Variants in PPP2R3A observed in about 807,000 individuals in gnomAD.
The protein encoded by PPP2R3A is protein phosphatase 2 regulatory subunit B''alpha.
A neutral mutation model predicts 106.9 loss-of-function variants in PPP2R3A; 80 were observed. The observed-to-expected ratio is 0.75, with a 90% CI of 0.62 to 0.90. The LOEUF (loss-of-function observed/expected upper bound fraction) is 0.90, where lower values mean the gene tolerates loss of function less well. Ranked by LOEUF, PPP2R3A falls within the 40% of genes least tolerant of loss-of-function variation. The pLI is 0.00. For synonymous variants in PPP2R3A, 483 were observed against 468.3 expected, an observed-to-expected ratio of 1.03 and a Z score of -0.41; for missense variants, 1,386 against 1,350.4, an observed-to-expected ratio of 1.03 and a Z score of -0.41.
chr3:136,062,325 G>A (rs1936105242), intron 5 of PPP2R3A, among the ~76,000 whole-genome samples: 1 of 152,172 alleles, frequency 6.6e-6, no homozygotes, highest in Non-Finnish European at 1.5e-5. Flanking sequence ...TAACTGAAGA[G>A]CAGCCAGTTC....
chr3:136,071,984 T>C (rs960853812), intron 6 of PPP2R3A, among the ~76,000 whole-genome samples: 5 of 152,136 alleles, frequency 3.3e-5, no homozygotes, highest in Non-Finnish European at 5.9e-5. Context: ...TCACTCTCTG[T>C]TTTTGTAACC....
At position 136,055,371 on chromosome 3, in the gene PPP2R3A, C is replaced by G. The variant is rs554348286; in HGVS notation, c.2469+6010C>G. ...AAGAGTTTAGTTGCTACCTCAGGTC[C>G]ACAGGTAGGACTTCCTCTGACCCTC... On this transcript the variant is annotated intron_variant, in intron 5 of 13. Transcript: ENST00000264977. 15 of 961,318 alleles carry G rather than the reference C, an allele frequency of 1.6e-5. No individual in the cohort carries two copies. The East Asian group carries it at 3.6e-4, about 23-fold the overall frequency. 59.5% of individuals were successfully genotyped at this position (961,318 alleles called of 1,614,324 possible). A position where few individuals can be genotyped will look rare whatever the true frequency, so the allele number is the denominator to read the frequency against.
At position 136,146,381 on chromosome 3, in the gene PPP2R3A, T is replaced by C. The variant is rs1311354762; in HGVS notation, c.*1215T>C. 4 of 150,670 alleles carry C rather than the reference T, an allele frequency of 2.7e-5. No homozygotes were observed. The highest frequency in any genetic ancestry group is 4.4e-5 in the Non-Finnish European group (3 of 67,520). 9.3% of individuals were successfully genotyped at this position (150,670 alleles called of 1,614,324 possible). On this transcript the variant is annotated 3_prime_UTR_variant, in exon 14 of 14. Transcript: ENST00000264977. ...GTCAGTCATCAACTTTTCCCCTAGA[T>C]TTTTTTTTTAACTAGTTCTGAAAGT...
At chr3:136,116,639 C>G (rs1049054552) in intron 13 of PPP2R3A, among the ~76,000 whole-genome samples, 1 of 152,130 alleles carries the variant, frequency 6.6e-6, no homozygotes, top group Non-Finnish European at 1.5e-5. Flanking sequence ...TCAAAAGAGA[C>G]AAAGAAGGTC....
intron 5 of PPP2R3A, among the ~76,000 whole-genome samples, chr3:136,050,971 TAGAG>T (rs1046132748): frequency 2.6e-5 from 4 of 152,032 alleles, no homozygotes; most frequent in Non-Finnish European, 4.4e-5. Flanking sequence ...GTTAAGGTTT[TAGAG>T]AGAGAGAGAT....
intron 3 of PPP2R3A, among the ~76,000 whole-genome samples, 165 bp downstream of exon 3, chr3:136,027,263 A>G (rs1234561526): frequency 6.6e-6 from 1 of 151,686 alleles, no homozygotes; most frequent in Non-Finnish European, 1.5e-5. Context: ...TTCCATTTCA[A>G]CCTCCTATTT....
chr3:136,023,281 GAACT>G, intron 2 of PPP2R3A: 1 of 1,234,544 alleles, frequency 8.1e-7, no homozygotes, highest in Non-Finnish European at 1.1e-6. Flanking sequence ...ACCATCCAGT[GAACT>G]AACTCACAAG....
At chr3:136,113,724 A>G (rs1038700228) in intron 13 of PPP2R3A, among the ~76,000 whole-genome samples, 1 of 151,842 alleles carries the variant, frequency 6.6e-6, no homozygotes, top group Non-Finnish European at 1.5e-5. Flanking sequence ...GAACCTGGGA[A>G]GTGAAGGTTG....
intron 3 of PPP2R3A, among the ~76,000 whole-genome samples, chr3:136,029,373 C>T (rs965938888): frequency 6.6e-6 from 1 of 152,166 alleles, no homozygotes; most frequent in Non-Finnish European, 1.5e-5. Context: ...ATGGTCTGGC[C>T]TCCCATTCCT....
intron 2 of PPP2R3A, among the ~76,000 whole-genome samples, chr3:136,007,540 TCAC>T (rs1429719555): frequency 6.6e-6 from 1 of 152,224 alleles, no homozygotes; most frequent in East Asian, 1.9e-4. Flanking sequence ...AAGGGTCTGG[TCAC>T]CTTTCCTGGC....
chr3:135,978,634 A>G (rs1353605879), intron 1 of PPP2R3A, among the ~76,000 whole-genome samples: 1 of 151,820 alleles, frequency 6.6e-6, no homozygotes, highest in African/African-American at 2.4e-5. Context: ...ATGTGTTACA[A>G]AGAAATTCTC....
In PPP2R3A at chr3:136,035,783, TG is replaced by T. The variant is rs377064493; in HGVS notation, c.2263-5072del. ...TGGATGTCTAGGTCTCTAGCAAGGCTGGGGAAGTTTTCCTCAATTATTCTCC... is the reference window on the plus strand; with the variant it reads ...TGGATGTCTAGGTCTCTAGCAAGGCTGGGAAGTTTTCCTCAATTATTCTCC... On this transcript the variant is annotated intron_variant, in intron 3 of 13. Transcript: ENST00000264977. Among the ~76,000 whole-genome samples the T allele has an allele frequency of 4.1e-4, 63 of 152,344 alleles. 1 individual carries two copies. In the East Asian group the frequency reaches 0.011, roughly 27 times the overall value.
chr3:135,993,322 T>G (rs1055210230), intron 1 of PPP2R3A, among the ~76,000 whole-genome samples: 1 of 152,152 alleles, frequency 6.6e-6, no homozygotes, highest in Non-Finnish European at 1.5e-5. Flanking sequence ...CTCAACATCA[T>G]TAGTCAGCAG....
intron 5 of PPP2R3A, chr3:136,055,119 A>C: frequency 1.5e-6 from 1 of 658,844 alleles, no homozygotes; most frequent in Non-Finnish European, 2.4e-6. Context: ...TGCTTGCTAC[A>C]AGGCTTTTTT....
intron 3 of PPP2R3A, among the ~76,000 whole-genome samples, chr3:136,036,552 G>A (rs1002718135): frequency 1.3e-5 from 2 of 152,178 alleles, no homozygotes; most frequent in African/African-American, 4.8e-5. Flanking sequence ...TCTGCACAGC[G>A]TCCTGTGATG....
Position 136,001,644 on chromosome 3 carries a change from A to G in PPP2R3A, c.146A>G (p.His49Arg), listed in dbSNP as rs749423277. 2 of 1,614,072 alleles carry G rather than the reference A, an allele frequency of 1.2e-6. No individual in the cohort carries two copies. The highest frequency in any genetic ancestry group is 1.7e-5 in the Admixed American group (1 of 59,996). ...GGAATTGACTGCATTGTGGTACACC[A>G]TAGTGTTTGTGCAGACCTCTTGCAC... Reference protein sequence around the residue: ...THGIDCIVVHHSVCADLLHIP... With the variant: ...THGIDCIVVHRSVCADLLHIP... Residue 49 changes from histidine to arginine, a missense_variant, in exon 2 of 14, where the codon CAT becomes CGT. Physicochemically the swap from His to Arg is conservative, Grantham distance 29. Transcript: ENST00000264977.
intron 13 of PPP2R3A, among the ~76,000 whole-genome samples, chr3:136,114,189 G>C (rs1937651892): frequency 6.6e-6 from 1 of 152,106 alleles, no homozygotes; most frequent in African/African-American, 2.4e-5. Context: ...CCCTACCCAA[G>C]GGAAGTCATG....
intron 7 of PPP2R3A, 116 bp downstream of exon 7, chr3:136,078,569 T>G: frequency 4.4e-6 from 3 of 687,192 alleles, no homozygotes; most frequent in Middle Eastern, 4.0e-4. Context: ...TTTCAGTCAT[T>G]AAGCATTTAT....
At chr3:136,122,092 T>C (rs971635186) in intron 13 of PPP2R3A, among the ~76,000 whole-genome samples, 1 of 152,204 alleles carries the variant, frequency 6.6e-6, no homozygotes, top group Non-Finnish European at 1.5e-5. Context: ...CTGTGGGATA[T>C]GGACAGGAAG....
Sources: gnomAD v4.1 joint callset for allele counts (sites outside exome capture counted in the v4.1 genomes callset) on GRCh38, gnomAD v4.1.1 for gene constraint, MANE v1.5 for transcripts, NCBI Gene and HGNC (gene_info 2026-07-23, HGNC 2026-07-21) for gene names.